MRPL44: variants seen among roughly 807,000 people sequenced by gnomAD.
MRPL44 encodes large ribosomal subunit protein mL44.
Under a neutral mutation model 25.9 loss-of-function variants are expected in MRPL44, and 21 were observed. The ratio of observed to expected loss-of-function variants is 0.81; its 90% CI spans 0.58 to 1.17. The LOEUF is 1.17. Ranked by LOEUF, MRPL44 falls within the 50% of genes most tolerant of loss-of-function variation. The probability of loss-of-function intolerance (pLI) is 0.00; values close to 1 mark genes in which losing one functional copy is unlikely to be tolerated. For missense variants in MRPL44, 410 were observed against 398.9 expected (o/e 1.03, Z -0.24); for synonymous variants, 169 against 151.0 (o/e 1.12, Z -0.87).
At chr2:223,960,119 A>G (rs1339377750) in intron 2 of MRPL44, 117 bp downstream of exon 2, 2 of 782,650 alleles carry the variant, frequency 2.6e-6, no homozygotes, top group Non-Finnish European at 3.9e-6. Flanking sequence ...AAAAACTGAG[A>G]AAGACCTAAA....
At position 223,966,996 on chromosome 2, in the gene MRPL44, G is replaced by GA; in HGVS notation, c.964dup (p.Thr322AsnfsTer20). 1.2e-6 allele frequency: 2 copies of GA among 1,613,660 alleles called. No homozygotes were observed. The highest frequency in any genetic ancestry group is 1.7e-6 in the Non-Finnish European group (2 of 1,179,756). ...GCCGTGGAACTATTCCAAGCCCAAA[G>GA]AAACCTTGAGAGCAGAAAAGAGCAT... On this transcript the variant is annotated frameshift_variant, in exon 4 of 4. Coordinates refer to ENST00000258383, the MANE Select transcript of MRPL44 (RefSeq NM_022915.5). LOFTEE classifies it low-confidence loss of function (END_TRUNC).
At chr2:223,957,733 G>T in intron 1 of MRPL44, 82 bp downstream of exon 1, 5 of 1,444,070 alleles carry the variant, frequency 3.5e-6, no homozygotes, top group Non-Finnish European at 4.6e-6. Flanking sequence ...GTCTGCGGCT[G>T]ATGCGCCCCT....
chr2:223,967,701 T>C lies in MRPL44; in HGVS notation c.*667T>C, dbSNP rs1045575372. 1.3e-5 allele frequency: 2 copies of C among 152,188 alleles called. No homozygotes were observed. Among genetic ancestry groups the C allele is most frequent in the African/African-American group, 4.8e-5 (2 of 41,456 alleles). 9.4% of individuals were successfully genotyped at this position (152,188 alleles called of 1,614,324 possible). On this transcript the variant is annotated 3_prime_UTR_variant, in exon 4 of 4. Transcript: ENST00000258383. ...GCTGTAATACCAATAAAGTTTTTTT[T>C]CTCCACATGTTAACATTGCATTTTA...
chr2:223,955,636 C>T (rs1205447555), upstream of MRPL44, among the ~76,000 whole-genome samples: 3 of 152,228 alleles, frequency 2.0e-5, no homozygotes, highest in East Asian at 1.9e-4. Flanking sequence ...CTCACCTCCT[C>T]TTCCTAAGTG....
chr2:223,953,615 T>C (rs760780788), upstream of MRPL44, among the ~76,000 whole-genome samples: 1 of 152,232 alleles, frequency 6.6e-6, no homozygotes, highest in Non-Finnish European at 1.5e-5. Flanking sequence ...AGTGATTTAT[T>C]GCTTTTGGAC....
At chr2:223,952,007 C>T in the MRPL44 span, among the ~76,000 whole-genome samples, 1 of 152,254 alleles carries the variant, frequency 6.6e-6, no homozygotes, top group Non-Finnish European at 1.5e-5. Flanking sequence ...TCTAATGTGG[C>T]CTTGACTTTC....
intron 3 of MRPL44, chr2:223,965,756 C>T (rs1416788676): frequency 6.6e-6 from 1 of 152,156 alleles, no homozygotes; most frequent in African/African-American, 2.4e-5. Flanking sequence ...AGTGTTACCT[C>T]ACTTGGGAAT....
Position 223,959,634 on chromosome 2 carries a change from A to T in MRPL44, c.280A>T (p.Asn94Tyr), listed in dbSNP as rs537020026. The T allele has an allele frequency of 6.2e-7, 1 of 1,614,230 alleles. No homozygotes were observed. The highest frequency in any genetic ancestry group is 2.2e-5 in the East Asian group (1 of 44,890). ...SLDLLKTAFVNSCYIKSEEAK... is the reference protein window; with the variant it reads ...SLDLLKTAFVYSCYIKSEEAK... Reference sequence around the variant, plus strand: ...AGATCTTCTCAAAACTGCATTTGTTAATAGCTGCTATATTAAAAGTGAGGA... The same window carrying T: ...AGATCTTCTCAAAACTGCATTTGTTTATAGCTGCTATATTAAAAGTGAGGA... The change falls in exon 2 of 4, where the codon AAT becomes TAT. Residue 94 changes from asparagine (N) to tyrosine (Y), a missense_variant. Transcript: ENST00000258383.
In MRPL44 at chr2:223,965,393, G is replaced by A. The variant is rs1158213670; in HGVS notation, c.827+1459G>A. 5.9e-5 allele frequency among the ~76,000 whole-genome samples: 9 copies of A among 151,794 alleles called. No individual in the cohort carries two copies. The South Asian group carries it at 8.3e-4, about 14-fold the overall frequency. On this transcript the variant is annotated intron_variant, in intron 3 of 3. Coordinates refer to ENST00000258383, the MANE Select transcript of MRPL44 (RefSeq NM_022915.5). ...ACTAGTTTTTCTTTAATTTGGTTTC[G>A]GTCTTCACTTTCAAATCAGCTTATA...
At chr2:223,960,884 G>A (rs893360) in intron 2 of MRPL44, among the ~76,000 whole-genome samples, 62,753 of 151,780 alleles carry the variant, frequency 0.41, 13,495 homozygotes, top group Non-Finnish European at 0.48. Context: ...ATTCTACAAG[G>A]TAGTCATGAA....
chr2:223,956,937 A>G (rs571061304), upstream of MRPL44, among the ~76,000 whole-genome samples: 18 of 152,200 alleles, frequency 1.2e-4, no homozygotes, highest in Non-Finnish European at 2.1e-4. Flanking sequence ...TTTTAAAGAA[A>G]AATTTTAATT....
the MRPL44 span, among the ~76,000 whole-genome samples, chr2:223,951,485 T>TTTGTTTTGTTTTG: frequency 6.8e-6 from 1 of 146,330 alleles, no homozygotes; most frequent in Admixed American, 6.9e-5. Flanking sequence ...GGAGTTTTTT[T>TTTGTTTTGTTTTG]TTTTTTTTTT....
At chr2:223,957,715 G>T in intron 1 of MRPL44, 64 bp downstream of exon 1, 1 of 1,515,770 alleles carries the variant, frequency 6.6e-7, no homozygotes, top group Non-Finnish European at 8.8e-7. Context: ...TTCTTCCCGC[G>T]GCGTCGTGTC....
intron 3 of MRPL44, 49 bp downstream of exon 3, chr2:223,963,983 AAC>A (rs760183382): frequency 6.8e-7 from 1 of 1,474,754 alleles, no homozygotes; most frequent in African/African-American, 1.4e-5. Flanking sequence ...AAATCCTAAA[AAC>A]AGACTCCTCA....
intron 2 of MRPL44, among the ~76,000 whole-genome samples, chr2:223,961,803 CA>C (rs111824320): frequency 2.0e-5 from 3 of 152,102 alleles, no homozygotes; most frequent in African/African-American, 7.2e-5. Context: ...GAGCAAATAG[CA>C]AAAAATAGAA....
chr2:223,962,581 C>T (rs1689680133), intron 2 of MRPL44, among the ~76,000 whole-genome samples: 1 of 152,168 alleles, frequency 6.6e-6, no homozygotes, highest in Non-Finnish European at 1.5e-5. Flanking sequence ...TTTTTACTGG[C>T]AAAATCAATT....
chr2:223,965,251 G>GTTT (rs1271497615), intron 3 of MRPL44, among the ~76,000 whole-genome samples: 2 of 152,130 alleles, frequency 1.3e-5, no homozygotes, highest in Non-Finnish European at 2.9e-5. Context: ...ATTTGTATGT[G>GTTT]TTTATTATTA....
Position 223,967,082 on chromosome 2 carries a change from A to ATGTCAAAG in MRPL44, c.*49_*56dup. On this transcript the variant is annotated 3_prime_UTR_variant, in exon 4 of 4. Transcript: ENST00000258383. Reference sequence around the variant, plus strand: ...AAACTTGAGAGCGAAAGTGAGATAAATGTCAAAGGTGTTTCAAGCCAGACA... The same window carrying ATGTCAAAG: ...AAACTTGAGAGCGAAAGTGAGATAAATGTCAAAGTGTCAAAGGTGTTTCAAGCCAGACA... The ATGTCAAAG allele has an allele frequency of 6.6e-7, 1 of 1,508,952 alleles. No homozygotes were observed. Among genetic ancestry groups the ATGTCAAAG allele is most frequent in the African/African-American group, 1.4e-5 (1 of 71,708 alleles). The allele number at this position is 1,508,952 out of a possible 1,614,324, so 93.5% of individuals were successfully genotyped here.
chr2:223,954,216 A>G (rs375303078), upstream of MRPL44, among the ~76,000 whole-genome samples: 3 of 152,288 alleles, frequency 2.0e-5, no homozygotes, highest in African/African-American at 4.8e-5. Flanking sequence ...CCTCCTTTCC[A>G]TCTCTTCTGC....
Sources: allele counts gnomAD v4.1 joint callset (sites outside exome capture counted in the v4.1 genomes callset), GRCh38; gene constraint gnomAD v4.1.1; transcripts MANE v1.5; gene names NCBI Gene and HGNC (gene_info 2026-07-23, HGNC 2026-07-21).